The following TOX2 variants were observed in gnomAD, a reference collection of about 807,000 sequenced individuals.
TOX2 encodes TOX high mobility group box family member 2.
A neutral mutation model predicts 47.4 loss-of-function variants in TOX2; 15 were observed. The ratio of observed to expected loss-of-function variants is 0.32; its 90% CI spans 0.21 to 0.49. TOX2 has a LOEUF of 0.49. Among genes scored for constraint, TOX2 ranks in the 20% least tolerant of loss-of-function variants. The pLI is 0.99. For synonymous variants in TOX2, 290 were observed against 296.6 expected, an observed-to-expected ratio of 0.98 and a Z score of 0.23; for missense variants, 622 against 673.1, an observed-to-expected ratio of 0.92 and a Z score of 0.84.
At chr20:43,988,411 G>T (rs552876994) in intron 2 of TOX2, among the ~76,000 whole-genome samples, 6 of 152,180 alleles carry the variant, frequency 3.9e-5, no homozygotes, top group African/African-American at 1.4e-4. Context: ...AACACAACTT[G>T]TAGGCATGCT....
At chr20:44,027,121 G>T (rs1260568315) in intron 3 of TOX2, among the ~76,000 whole-genome samples, 1 of 152,182 alleles carries the variant, frequency 6.6e-6, no homozygotes, top group Non-Finnish European at 1.5e-5. Context: ...CTGTTGCAGG[G>T]CCTGATGAAT....
intron 7 of TOX2, 48 bp from the exon 8 acceptor site, chr20:44,066,682 C>A: frequency 6.2e-7 from 1 of 1,613,430 alleles, no homozygotes; most frequent in Non-Finnish European, 8.5e-7. Flanking sequence ...GGACAGTCTG[C>A]CCCCTCATCT....
intron 1 of TOX2, among the ~76,000 whole-genome samples, chr20:43,967,631 C>G (rs866419714): frequency 6.6e-6 from 1 of 152,260 alleles, no homozygotes. Flanking sequence ...CCACTCCTCC[C>G]TCTCATCCCA....
chr20:44,038,444 A>G (rs2071274897), intron 3 of TOX2, among the ~76,000 whole-genome samples: 2 of 152,208 alleles, frequency 1.3e-5, no homozygotes, highest in African/African-American at 4.8e-5. Flanking sequence ...AAATAAGAGC[A>G]CAATTGAACA....
At chr20:44,006,901 G>A (rs1196034585) in intron 3 of TOX2, 109 bp downstream of exon 3, 15 of 1,441,340 alleles carry the variant, frequency 1.0e-5, no homozygotes, top group East Asian at 7.5e-5. Flanking sequence ...CTCATGGGCA[G>A]GGTCTGGGTT....
At chr20:43,930,580 G>T (rs1392802284) in intron 1 of TOX2, among the ~76,000 whole-genome samples, 4 of 152,166 alleles carry the variant, frequency 2.6e-5, no homozygotes, top group African/African-American at 4.8e-5. Flanking sequence ...CCTTGCCTTT[G>T]TCAGGAGGGA....
At chr20:43,991,637 T>C (rs1371650193) in intron 2 of TOX2, among the ~76,000 whole-genome samples, 1 of 98,870 alleles carries the variant, frequency 1.0e-5, no homozygotes, top group Non-Finnish European at 2.0e-5. Context: ...ATTATTATTA[T>C]TATTATTATT....
intron 3 of TOX2, among the ~76,000 whole-genome samples, chr20:44,040,762 G>A (rs1333020680): frequency 6.6e-6 from 1 of 152,178 alleles, no homozygotes; most frequent in Non-Finnish European, 1.5e-5. Flanking sequence ...GTAGTAATGA[G>A]GACAGATGCC....
Position 43,993,227 on chromosome 20 carries a change from T to C in TOX2, c.166-13320T>C, listed in dbSNP as rs536629823. Among the ~76,000 whole-genome samples, 33 of 152,234 alleles carry C rather than the reference T, an allele frequency of 2.2e-4. 1 individual carries two copies. Among genetic ancestry groups the C allele is most frequent in the Admixed American group, 1.4e-3 (21 of 15,286 alleles). On this transcript the variant is annotated intron_variant, in intron 2 of 8. Transcript: ENST00000341197. ...CCTGAGCGTAGAGGACATCAGCTAA[T>C]GGGAGTATCACCATCAGTTTTGTGT...
intron 3 of TOX2, among the ~76,000 whole-genome samples, chr20:44,037,418 C>T (rs998413396): frequency 6.6e-6 from 1 of 152,242 alleles, no homozygotes; most frequent in Non-Finnish European, 1.5e-5. Context: ...CCCATGAGGG[C>T]AGGGTCATTG....
In TOX2 at chr20:44,053,629, C is replaced by CACACAT. The variant is rs57772354; in HGVS notation, c.652-670_652-669insACACAT. On this transcript the variant is annotated intron_variant, in intron 4 of 8. Transcript: ENST00000341197. ...ATATACATATACACACACACACACA[C>CACACAT]GTATATACACATATACACACATGCA... is the stretch of plus-strand genomic sequence containing the variant. Among the ~76,000 whole-genome samples, 11 of 150,382 alleles carry CACACAT rather than the reference C, an allele frequency of 7.3e-5. No individual in the cohort carries two copies. In the South Asian group the frequency reaches 1.9e-3, roughly 26 times the overall value.
At chr20:44,049,476 A>T (rs969669805) in intron 3 of TOX2, among the ~76,000 whole-genome samples, 2 of 152,200 alleles carry the variant, frequency 1.3e-5, no homozygotes, top group African/African-American at 4.8e-5. Flanking sequence ...GAATTTCCAG[A>T]ACTCTTCTTT....
chr20:43,920,619 C>T (rs934261606), intron 1 of TOX2, among the ~76,000 whole-genome samples: 2 of 152,158 alleles, frequency 1.3e-5, no homozygotes, highest in African/African-American at 4.8e-5. Context: ...CCAGGAAGGA[C>T]CCCAGGATGT....
intron 3 of TOX2, among the ~76,000 whole-genome samples, chr20:44,045,046 G>T (rs1260447372): frequency 1.3e-5 from 2 of 152,172 alleles, no homozygotes; most frequent in Non-Finnish European, 2.9e-5. Context: ...CTTGTTTGAG[G>T]TACCTGGAGT....
At chr20:43,972,360 A>T (rs2069989342) in intron 1 of TOX2, among the ~76,000 whole-genome samples, 1 of 152,224 alleles carries the variant, frequency 6.6e-6, no homozygotes, top group African/African-American at 2.4e-5. Flanking sequence ...AGGCAAGACC[A>T]CATCCTTGCT....
chr20:44,034,801 C>T (rs1424304960), intron 3 of TOX2, among the ~76,000 whole-genome samples: 3 of 152,158 alleles, frequency 2.0e-5, no homozygotes, highest in Non-Finnish European at 2.9e-5. Flanking sequence ...GAGAATACCC[C>T]CAAAAGATGT....
intron 1 of TOX2, among the ~76,000 whole-genome samples, chr20:43,927,625 C>CTTCCTCCT (rs146262327): frequency 1.2e-5 from 1 of 81,344 alleles, no homozygotes; most frequent in Non-Finnish European, 2.2e-5. Context: ...TCCTTCCTTC[C>CTTCCTCCT]TCCTTCCTTC....
chr20:43,972,576 G>A (rs1004019084), intron 1 of TOX2, among the ~76,000 whole-genome samples: 1 of 152,218 alleles, frequency 6.6e-6, no homozygotes, highest in Non-Finnish European at 1.5e-5. Flanking sequence ...GCTCTACAGT[G>A]CAACATCCTA....
At chr20:43,994,825 T>C (rs1190988559) in intron 2 of TOX2, among the ~76,000 whole-genome samples, 1 of 152,176 alleles carries the variant, frequency 6.6e-6, no homozygotes, top group Non-Finnish European at 1.5e-5. Flanking sequence ...CTAATGTGAC[T>C]GCCTGTCATT....
Sources: allele counts gnomAD v4.1 joint callset (sites outside exome capture counted in the v4.1 genomes callset), GRCh38; gene constraint gnomAD v4.1.1; transcripts MANE v1.5; gene names NCBI Gene and HGNC (gene_info 2026-07-23, HGNC 2026-07-21).